Variants in FNIP1 observed in about 807,000 individuals in gnomAD.
FNIP1 encodes folliculin-interacting protein 1.
A neutral mutation model predicts 124.5 loss-of-function variants in FNIP1; 40 were observed. The observed-to-expected ratio is 0.32, with a 90% CI of 0.25 to 0.42. FNIP1 has a LOEUF of 0.42. Ranked by LOEUF, FNIP1 falls within the 10% of genes least tolerant of loss-of-function variation. The pLI is 1.00. For missense variants in FNIP1, 1,176 were observed against 1,403.7 expected (o/e 0.84, Z 2.59); for synonymous variants, 472 against 470.6 (o/e 1.00, Z -0.04).
At chr5:131,710,266 A>G (rs549604214) in intron 7 of FNIP1, among the ~76,000 whole-genome samples, 28 of 152,322 alleles carry the variant, frequency 1.8e-4, no homozygotes, top group Admixed American at 1.6e-3. Context: ...AAAAATTCCA[A>G]GTGGTATCAT....
chr5:131,647,062 A>C, intron 17 of FNIP1, 28 bp downstream of exon 17: 1 of 1,604,424 alleles, frequency 6.2e-7, no homozygotes. Context: ...CAATGAAAGC[A>C]AAGCCAAAAA....
intron 2 of FNIP1, among the ~76,000 whole-genome samples, chr5:131,743,399 GAGA>G (rs1770573076): frequency 1.3e-5 from 2 of 151,910 alleles, no homozygotes; most frequent in Admixed American, 1.3e-4. Context: ...CCGAGAGACA[GAGA>G]AGACCAAGGA....
At chr5:131,693,329 T>TGTAC (rs1768562060) in intron 11 of FNIP1, among the ~76,000 whole-genome samples, 1 of 59,314 alleles carries the variant, frequency 1.7e-5, no homozygotes, top group Non-Finnish European at 3.3e-5. Context: ...CATATATATA[T>TGTAC]ATACATATAT....
At chr5:131,789,925 C>T (rs994583538) in intron 1 of FNIP1, among the ~76,000 whole-genome samples, 2 of 152,222 alleles carry the variant, frequency 1.3e-5, no homozygotes, top group African/African-American at 4.8e-5. Context: ...TAACCATACA[C>T]ACAAACTCAT....
At position 131,670,560 on chromosome 5, in the gene FNIP1, T is replaced by C. The variant is rs766652781; in HGVS notation, c.3011A>G (p.Tyr1004Cys). ...ANFGRSLLGGYCSSYVPDFVL... is the reference protein window; with the variant it reads ...ANFGRSLLGGCCSSYVPDFVL... ...AAAGTCAGGCACATAAGATGAGCAGTAGCCACCCAGCAAGGACCTCCCGAA... is the reference window on the plus strand; with the variant it reads ...AAAGTCAGGCACATAAGATGAGCAGCAGCCACCCAGCAAGGACCTCCCGAA... The change falls in exon 15 of 18, where the codon TAC (tyrosine) becomes TGC (cysteine). Residue 1004 changes from tyrosine (Y) to cysteine (C), a missense_variant. By Grantham distance (194) the Tyr-to-Cys change is radical. Around this residue, in one of 2 missense-constraint regions of FNIP1, gnomAD observed 1,109 missense variants for 1,288.5 expected, o/e 0.86. Coordinates refer to ENST00000510461, the MANE Select transcript of FNIP1 (RefSeq NM_133372.3). 7 of 1,613,682 alleles carry C rather than the reference T, an allele frequency of 4.3e-6. No homozygotes were observed. Among genetic ancestry groups the C allele is most frequent in the Non-Finnish European group, 5.1e-6 (6 of 1,179,924 alleles).
At chr5:131,706,617 A>C (rs1257827408) in intron 8 of FNIP1, 71 bp from the exon 9 acceptor site, 5 of 1,365,742 alleles carry the variant, frequency 3.7e-6, no homozygotes, top group Non-Finnish European at 3.9e-6. Flanking sequence ...CTTTTTAACA[A>C]AATTACAAAT....
At chr5:131,728,773 T>C (rs1346817536) in intron 3 of FNIP1, among the ~76,000 whole-genome samples, 1 of 152,214 alleles carries the variant, frequency 6.6e-6, no homozygotes, top group Non-Finnish European at 1.5e-5. Context: ...TTCTGGTGTT[T>C]GGAATTTTCA....
At chr5:131,743,391 G>C (rs576202193) in intron 2 of FNIP1, among the ~76,000 whole-genome samples, 2 of 151,838 alleles carry the variant, frequency 1.3e-5, no homozygotes, top group African/African-American at 4.8e-5. Context: ...CTGAGACACC[G>C]AGAGACAGAG....
At chr5:131,674,774 T>C (rs1561648623) in intron 13 of FNIP1, among the ~76,000 whole-genome samples, 1 of 152,174 alleles carries the variant, frequency 6.6e-6, no homozygotes. Flanking sequence ...CTTAATTCAA[T>C]TTTTGAAGTT....
At chr5:131,683,830 C>T (rs1768174529) in intron 11 of FNIP1, among the ~76,000 whole-genome samples, 1 of 152,148 alleles carries the variant, frequency 6.6e-6, no homozygotes, top group Non-Finnish European at 1.5e-5. Flanking sequence ...GAATTAGCAA[C>T]ACTGAACCAC....
intron 15 of FNIP1, among the ~76,000 whole-genome samples, chr5:131,655,752 C>CAAA (rs35443566): frequency 9.3e-5 from 13 of 139,832 alleles, no homozygotes; most frequent in African/African-American, 2.7e-4. Flanking sequence ...ACTAAAAATA[C>CAAA]AAAAAAAAAA....
At chr5:131,695,582 G>A (rs1200176678) in intron 11 of FNIP1, among the ~76,000 whole-genome samples, 1 of 152,058 alleles carries the variant, frequency 6.6e-6, no homozygotes, top group Non-Finnish European at 1.5e-5. Flanking sequence ...AAAGAATAAG[G>A]TCTAGATTAA....
intron 15 of FNIP1, among the ~76,000 whole-genome samples, chr5:131,656,595 G>T (rs1264587285): frequency 6.6e-6 from 1 of 152,060 alleles, no homozygotes; most frequent in Non-Finnish European, 1.5e-5. Flanking sequence ...GGAAAGTATG[G>T]TTTGATAATT....
chr5:131,675,891 G>A (rs748194149), intron 13 of FNIP1, among the ~76,000 whole-genome samples: 16 of 152,096 alleles, frequency 1.1e-4, no homozygotes, highest in Non-Finnish European at 1.6e-4. Flanking sequence ...ACAGATTCTC[G>A]CTCTGTCACC....
chr5:131,719,177 G>T (rs1769572276), intron 4 of FNIP1, 117 bp from the exon 5 acceptor site: 3 of 1,130,808 alleles, frequency 2.7e-6, no homozygotes, highest in South Asian at 1.4e-5. Context: ...CAAGAGCCAT[G>T]AAGTAGCATT....
chr5:131,664,857 A>G (rs992686311), intron 15 of FNIP1, among the ~76,000 whole-genome samples: 2 of 150,786 alleles, frequency 1.3e-5, no homozygotes, highest in South Asian at 2.1e-4. Context: ...ATACATATAC[A>G]TGCATATATT....
At chr5:131,684,162 T>G (rs550756648) in intron 11 of FNIP1, among the ~76,000 whole-genome samples, 1 of 152,222 alleles carries the variant, frequency 6.6e-6, no homozygotes, top group South Asian at 2.1e-4. Flanking sequence ...TGGCACTAAA[T>G]AAATGTCAAA....
intron 11 of FNIP1, among the ~76,000 whole-genome samples, chr5:131,680,075 C>A (rs577437111): frequency 6.6e-6 from 1 of 152,152 alleles, no homozygotes; most frequent in African/African-American, 2.4e-5. Context: ...ATGGTAGCCA[C>A]TAGCTGTATG....
rs1766740703 is a variant in FNIP1 at position 131,642,357 on chromosome 5, C to T, written c.*2328G>A. Reference sequence around the variant, plus strand: ...GCAGTGGGGAGGAACAAAACAGTAACTCAGGAATCCTATAAGGATTAATGA... The same window carrying T: ...GCAGTGGGGAGGAACAAAACAGTAATTCAGGAATCCTATAAGGATTAATGA... On this transcript the variant is annotated 3_prime_UTR_variant, in exon 18 of 18. Transcript: ENST00000510461. 1 of 152,316 alleles carries T rather than the reference C, an allele frequency of 6.6e-6. No homozygotes were observed. Among genetic ancestry groups the T allele is most frequent in the South Asian group, 2.1e-4 (1 of 4,826 alleles). The allele number at this position is 152,316 out of a possible 1,614,324, so 9.4% of individuals were successfully genotyped here. A position where few individuals can be genotyped will look rare whatever the true frequency, so the allele number is the denominator to read the frequency against.
Sources: gnomAD v4.1 joint callset for allele counts (sites outside exome capture counted in the v4.1 genomes callset) on GRCh38, gnomAD v4.1.1 for gene constraint, gnomAD v4.1.1 regional missense constraint, MANE v1.5 for transcripts, NCBI Gene and HGNC (gene_info 2026-07-23, HGNC 2026-07-21) for gene names.